The following CLMP variants were observed in gnomAD, a reference collection of about 807,000 sequenced individuals.
The protein encoded by CLMP is CXADR like cell adhesion molecule.
In CLMP, 27 loss-of-function variants were observed where a neutral mutation model predicts 45.2. The ratio of observed to expected loss-of-function variants is 0.60; its 90% CI spans 0.44 to 0.82. The LOEUF (loss-of-function observed/expected upper bound fraction) is 0.82, where lower values mean the gene tolerates loss of function less well. CLMP is among the 40% of genes least tolerant of loss of function. CLMP has a pLI of 0.00. For missense variants in CLMP, 403 were observed against 448.4 expected (o/e 0.90, Z 0.91); for synonymous variants, 167 against 171.4 (o/e 0.97, Z 0.20).
chr11:123,179,726 T>C (rs1861744779), intron 1 of CLMP, among the ~76,000 whole-genome samples: 1 of 152,214 alleles, frequency 6.6e-6, no homozygotes, highest in Admixed American at 6.5e-5. Context: ...GATGTAAGTA[T>C]GCCTTAAAAT....
At chr11:123,089,656 A>G (rs1198777248) in intron 2 of CLMP, among the ~76,000 whole-genome samples, 2 of 151,706 alleles carry the variant, frequency 1.3e-5, no homozygotes, top group East Asian at 3.9e-4. Context: ...GGGCGCCCGT[A>G]GTTCCAGCTA....
chr11:123,138,015 A>G (rs775418260), intron 1 of CLMP, among the ~76,000 whole-genome samples: 25 of 150,334 alleles, frequency 1.7e-4, no homozygotes, highest in Admixed American at 1.3e-4. Flanking sequence ...CCAAACCATA[A>G]AATGACCGGA....
chr11:123,178,898 A>G (rs951557701), intron 1 of CLMP, among the ~76,000 whole-genome samples: 1 of 152,200 alleles, frequency 6.6e-6, no homozygotes, highest in Non-Finnish European at 1.5e-5. Context: ...TGGTTGTATT[A>G]CATGAGGTTC....
At chr11:123,084,885 AC>A (rs778746505) in intron 2 of CLMP, among the ~76,000 whole-genome samples, 172 bp from the exon 3 acceptor site, 11 of 152,168 alleles carry the variant, frequency 7.2e-5, no homozygotes, top group Non-Finnish European at 1.2e-4. Flanking sequence ...GTACATTTGC[AC>A]CTAGGCCTTG....
intron 1 of CLMP, among the ~76,000 whole-genome samples, chr11:123,162,609 T>A (rs1861500758): frequency 1.3e-5 from 2 of 151,554 alleles, no homozygotes; most frequent in Non-Finnish European, 2.9e-5. Context: ...AAAAGTTGCA[T>A]AAATGGCCAG....
At chr11:123,092,814 G>A (rs184822747) in intron 2 of CLMP, among the ~76,000 whole-genome samples, 231 of 150,676 alleles carry the variant, frequency 1.5e-3, no homozygotes, top group African/African-American at 5.4e-3. Context: ...TGGTCAAGCT[G>A]CCCTTGAGCT....
At chr11:123,121,122 G>A (rs1405272779) in intron 1 of CLMP, among the ~76,000 whole-genome samples, 45 of 113,694 alleles carry the variant, frequency 4.0e-4, no homozygotes, top group African/African-American at 1.3e-3. Context: ...GCGAGACTCC[G>A]TCTCAAAAAA....
chr11:123,136,758 G>A (rs1861079325), intron 1 of CLMP, among the ~76,000 whole-genome samples: 1 of 151,390 alleles, frequency 6.6e-6, no homozygotes, highest in African/African-American at 2.4e-5. Flanking sequence ...AGTAGAGAGG[G>A]TGGTTTTACC....
chr11:123,140,803 A>C (rs550273642), intron 1 of CLMP, among the ~76,000 whole-genome samples: 65 of 152,050 alleles, frequency 4.3e-4, no homozygotes, highest in African/African-American at 1.5e-3. Flanking sequence ...TATGATTTAG[A>C]TGTTTGGTCC....
At chr11:123,177,447 C>T (rs558844303) in intron 1 of CLMP, among the ~76,000 whole-genome samples, 2 of 152,300 alleles carry the variant, frequency 1.3e-5, no homozygotes, top group South Asian at 4.1e-4. Flanking sequence ...GTTTGGGTTA[C>T]ATTTACGTCA....
At chr11:123,161,928 T>C (rs902486421) in intron 1 of CLMP, among the ~76,000 whole-genome samples, 4 of 152,306 alleles carry the variant, frequency 2.6e-5, no homozygotes, top group African/African-American at 9.6e-5. Context: ...CTTGATTCAG[T>C]AGGCCTCATG....
intron 1 of CLMP, among the ~76,000 whole-genome samples, chr11:123,098,701 ATTTTTTTTTT>A (rs1156546713): frequency 8.9e-6 from 1 of 112,662 alleles, no homozygotes; most frequent in Admixed American, 9.7e-5. Context: ...ATCCTGGCTA[ATTTTTTTTTT>A]TTTTTTTTTT....
At chr11:123,184,188 G>A (rs1213530782) in intron 1 of CLMP, among the ~76,000 whole-genome samples, 6 of 152,002 alleles carry the variant, frequency 3.9e-5, no homozygotes, top group Admixed American at 2.0e-4. Context: ...TCTGCCTCCC[G>A]GGTTCAAGTG....
intron 1 of CLMP, among the ~76,000 whole-genome samples, chr11:123,182,849 G>A (rs920909961): frequency 1.3e-5 from 2 of 152,104 alleles, no homozygotes; most frequent in African/African-American, 2.4e-5. Flanking sequence ...CAGCACTCAC[G>A]CACCCTCCAG....
intron 1 of CLMP, among the ~76,000 whole-genome samples, chr11:123,126,328 A>C (rs940740982): frequency 3.5e-4 from 53 of 152,228 alleles, no homozygotes; most frequent in African/African-American, 1.2e-3. Context: ...CGAATTAATT[A>C]AGTTTTCAGA....
At chr11:123,079,692 G>A (rs868838985) in intron 5 of CLMP, among the ~76,000 whole-genome samples, 9 of 152,118 alleles carry the variant, frequency 5.9e-5, no homozygotes, top group African/African-American at 2.2e-4. Context: ...TGATCCGCCC[G>A]CCTCGACCTC....
Position 123,165,365 on chromosome 11 carries a change from A to G in CLMP, c.28+29548T>C, listed in dbSNP as rs542067942. Among the ~76,000 whole-genome samples, 5 of 152,336 alleles carry G rather than the reference A, an allele frequency of 3.3e-5. No homozygotes were observed. The South Asian group carries it at 1.0e-3, about 32-fold the overall frequency. Reference sequence around the variant, plus strand: ...CTATTACAACTTTAGCTTCATTCATAAGGATGAAACTAACAGTTATGACAT... The same window carrying G: ...CTATTACAACTTTAGCTTCATTCATGAGGATGAAACTAACAGTTATGACAT... On this transcript the variant is annotated intron_variant, in intron 1 of 6. Coordinates refer to ENST00000448775, the MANE Select transcript of CLMP (RefSeq NM_024769.5).
intron 1 of CLMP, among the ~76,000 whole-genome samples, chr11:123,171,447 C>CTTTT (rs758162904): frequency 7.3e-6 from 1 of 136,440 alleles, no homozygotes. Context: ...CTTTTCTTTT[C>CTTTT]TTTTTTTTTT....
intron 1 of CLMP, among the ~76,000 whole-genome samples, chr11:123,113,699 T>C (rs928517343): frequency 6.6e-5 from 10 of 152,212 alleles, no homozygotes; most frequent in African/African-American, 2.4e-4. Context: ...GCCTGGAAGC[T>C]GCACTGCTAT....
Sources: gnomAD v4.1 joint callset for allele counts (sites outside exome capture counted in the v4.1 genomes callset) on GRCh38, gnomAD v4.1.1 for gene constraint, MANE v1.5 for transcripts, NCBI Gene and HGNC (gene_info 2026-07-23, HGNC 2026-07-21) for gene names.